GSDME: variants seen among roughly 807,000 people sequenced by gnomAD.
The protein encoded by GSDME is gasdermin-E.
GSDME carries 44 observed loss-of-function variants against 47.5 expected under a neutral mutation model. The observed-to-expected ratio is 0.93, with a 90% confidence interval of 0.73 to 1.19. The LOEUF is 1.19. Ranked by LOEUF, GSDME falls within the 50% of genes most tolerant of loss-of-function variation. The pLI is 0.00. For synonymous variants in GSDME, 258 were observed against 252.8 expected, an observed-to-expected ratio of 1.02 and a Z score of -0.20; for missense variants, 663 against 604.2, an observed-to-expected ratio of 1.10 and a Z score of -1.02.
chr7:24,769,806 C>T, the GSDME span, among the ~76,000 whole-genome samples: 15 of 152,098 alleles, frequency 9.9e-5, no homozygotes, highest in Non-Finnish European at 1.6e-4. Flanking sequence ...AGCATCAGCA[C>T]CAGACACAGA....
At chr7:24,794,299 C>CCTCTCTCTCTCT in the GSDME span, among the ~76,000 whole-genome samples, 60 of 148,448 alleles carry the variant, frequency 4.0e-4, no homozygotes, top group African/African-American at 1.2e-3. Context: ...CTCTTTCTCT[C>CCTCTCTCTCTCT]CTCTCTCTCT....
chr7:24,767,600 G>A, the GSDME span, among the ~76,000 whole-genome samples: 1 of 148,994 alleles, frequency 6.7e-6, no homozygotes, highest in Admixed American at 6.7e-5. This position sits in a 1 kb window ranked among gnomAD's most constrained non-coding sequence, Gnocchi z 5.3. Context: ...ATTTTCAAAG[G>A]AAAATGGAGT....
At chr7:24,766,290 C>CTTTA in the GSDME span, among the ~76,000 whole-genome samples, 25,027 of 150,250 alleles carry the variant, frequency 0.17, 2,416 homozygotes, top group East Asian at 0.28. This position sits in a 1 kb window ranked among gnomAD's most constrained non-coding sequence, Gnocchi z 4.2. Flanking sequence ...CTGCACAACA[C>CTTTA]TTTATTTATT....
the GSDME span, among the ~76,000 whole-genome samples, chr7:24,781,145 G>T: frequency 6.6e-6 from 1 of 152,192 alleles, no homozygotes; most frequent in African/African-American, 2.4e-5. Flanking sequence ...CCTTTCCAAG[G>T]AGATCAACAT....
Position 24,744,462 on chromosome 7 carries a change from G to T in GSDME, c.404+100C>A. On this transcript the variant is annotated intron_variant, in intron 3 of 9. Transcript: ENST00000645220. This position sits in a 1 kb window ranked among gnomAD's most constrained non-coding sequence, Gnocchi z 4.5. ...CGCATTCAATACATGTTTATTGATC[G>T]GCAGAGATCAAATCTGTCGCCCTTT... is the stretch of plus-strand genomic sequence containing the variant. 2 of 1,257,556 alleles carry T rather than the reference G, an allele frequency of 1.6e-6. No homozygotes were observed. The highest frequency in any genetic ancestry group is 1.2e-5 in the South Asian group (1 of 83,422). 77.9% of individuals were successfully genotyped at this position (1,257,556 alleles called of 1,614,324 possible).
At chr7:24,760,909 C>T (rs145143649), upstream of GSDME, among the ~76,000 whole-genome samples, 109 of 152,238 alleles carry the variant, frequency 7.2e-4, no homozygotes, top group African/African-American at 2.2e-3. This position sits in a 1 kb window ranked among gnomAD's most constrained non-coding sequence, Gnocchi z 4.2. Flanking sequence ...TTGCAAGGCA[C>T]GGATACAGAT....
At chr7:24,699,459 C>T (rs1183931949) in intron 9 of GSDME, among the ~76,000 whole-genome samples, 200 bp from the exon 10 acceptor site, 6 of 152,084 alleles carry the variant, frequency 3.9e-5, no homozygotes, top group Non-Finnish European at 5.9e-5. Context: ...TCTTTTGCCT[C>T]AGCCTCCCGA....
intron 9 of GSDME, among the ~76,000 whole-genome samples, chr7:24,700,875 G>A (rs752699350): frequency 6.6e-6 from 1 of 152,196 alleles, no homozygotes; most frequent in Non-Finnish European, 1.5e-5. Context: ...TGGTGGATGA[G>A]AGCTGTGCAG....
intron 8 of GSDME, chr7:24,703,300 C>G: frequency 3.7e-6 from 1 of 268,718 alleles, no homozygotes; most frequent in Non-Finnish European, 7.2e-6. Context: ...AGGGCTCTAC[C>G]CCATCACCAA....
the GSDME span, among the ~76,000 whole-genome samples, chr7:24,771,589 G>A: frequency 6.6e-6 from 1 of 152,160 alleles, no homozygotes; most frequent in Non-Finnish European, 1.5e-5. This position sits in a 1 kb window ranked among gnomAD's most constrained non-coding sequence, Gnocchi z 4.1. Flanking sequence ...CAAGTTGCCT[G>A]AGTTTTTGGG....
In GSDME at chr7:24,705,990, A is replaced by G; in HGVS notation, c.1183+194T>C. On this transcript the variant is annotated intron_variant, in intron 8 of 9. Transcript: ENST00000645220. This position sits in a 1 kb window ranked among gnomAD's most constrained non-coding sequence, Gnocchi z 4.1. ...GAGTAGGGAGGCTTGTGCTGGATGG[A>G]AAGGCACAGACTCGAGACCGAAGGG... The G allele has an allele frequency of 1.4e-6, 1 of 697,996 alleles. No individual in the cohort carries two copies. Among genetic ancestry groups the G allele is most frequent in the Non-Finnish European group, 2.5e-6 (1 of 403,264 alleles). 43.2% of individuals were successfully genotyped at this position (697,996 alleles called of 1,614,324 possible). A position where few individuals can be genotyped will look rare whatever the true frequency, so the allele number is the denominator to read the frequency against.
At chr7:24,703,286 A>T in intron 8 of GSDME, 1 of 302,764 alleles carries the variant, frequency 3.3e-6, no homozygotes, top group South Asian at 3.3e-5. Flanking sequence ...TGTGTAAACT[A>T]TAAAGGGCTC....
intron 6 of GSDME, among the ~76,000 whole-genome samples, chr7:24,709,536 C>A (rs1000226240): frequency 6.6e-6 from 1 of 152,140 alleles, no homozygotes; most frequent in African/African-American, 2.4e-5. Flanking sequence ...TCTGTGCTTA[C>A]CCTCCAAGCC....
chr7:24,770,684 T>A, the GSDME span, among the ~76,000 whole-genome samples: 1 of 151,900 alleles, frequency 6.6e-6, no homozygotes, highest in Non-Finnish European at 1.5e-5. The surrounding 1 kb of genome is among the most constrained non-coding windows in gnomAD (Gnocchi z 4.6). Context: ...AAGAGTAATA[T>A]AAGCAGAGAG....
At chr7:24,741,689 C>T (rs1024371817) in intron 3 of GSDME, among the ~76,000 whole-genome samples, 5 of 152,278 alleles carry the variant, frequency 3.3e-5, no homozygotes, top group Admixed American at 3.3e-4. Context: ...CGGGAATGTA[C>T]AGTCCTTAAG....
At chr7:24,751,087 A>G (rs1790843436) in intron 1 of GSDME, among the ~76,000 whole-genome samples, 1 of 152,224 alleles carries the variant, frequency 6.6e-6, no homozygotes, top group Admixed American at 6.5e-5. Context: ...GACAAAGGGC[A>G]AACTGAGAAA....
chr7:24,738,050 C>A (rs1790365018), intron 3 of GSDME, among the ~76,000 whole-genome samples: 1 of 152,118 alleles, frequency 6.6e-6, no homozygotes, highest in Admixed American at 6.5e-5. Flanking sequence ...GAAAGCCTTT[C>A]CTCTAGGATC....
rs1311521999 is a variant in GSDME at position 24,725,300 on chromosome 7, T to C, written c.405-6082A>G. 6.6e-6 allele frequency among the ~76,000 whole-genome samples: 1 copy of C among 152,164 alleles called. No individual in the cohort carries two copies. Among genetic ancestry groups the C allele is most frequent in the Admixed American group, 6.5e-5 (1 of 15,274 alleles). ...ACTCTACCCAGCAGATGGCAGGGGCTCTGTAAATGTTTTTTTCCTTCCACT... is the reference window on the plus strand; with the variant it reads ...ACTCTACCCAGCAGATGGCAGGGGCCCTGTAAATGTTTTTTTCCTTCCACT... On this transcript the variant is annotated intron_variant, in intron 3 of 9. Coordinates refer to ENST00000645220, the MANE Select transcript of GSDME (RefSeq NM_001127453.2). The surrounding 1 kb of genome is among the most constrained non-coding windows in gnomAD (Gnocchi z 5.1).
Position 24,710,389 on chromosome 7 carries a change from C to CT in GSDME, c.698-2dup. ...TGCTTCCCTCGGAGAAGGCAGAACT[C>CT]TGTAGTGCAGGAGAAAAGGACAAGT... On this transcript the variant is annotated splice_acceptor_variant, in intron 5 of 9. Coordinates refer to ENST00000645220, the MANE Select transcript of GSDME (RefSeq NM_001127453.2). LOFTEE classifies it high-confidence loss of function. The CT allele has an allele frequency of 6.2e-7, 1 of 1,614,176 alleles. No homozygotes were observed. Among genetic ancestry groups the CT allele is most frequent in the Non-Finnish European group, 8.5e-7 (1 of 1,180,016 alleles).
Sources: gnomAD v4.1 joint callset for allele counts (sites outside exome capture counted in the v4.1 genomes callset) on GRCh38, gnomAD v4.1.1 for gene constraint, Gnocchi (gnomAD v3.1) non-coding constraint, MANE v1.5 for transcripts, NCBI Gene and HGNC (gene_info 2026-07-23, HGNC 2026-07-21) for gene names.